The following NHS variants were observed in gnomAD, a reference collection of about 807,000 sequenced individuals.
NHS encodes the protein actin remodeling regulator NHS.
NHS carries 5 observed loss-of-function variants against 72.5 expected under a neutral mutation model. That is an observed-to-expected ratio of 0.07 (90% CI 0.04 to 0.14). The LOEUF (loss-of-function observed/expected upper bound fraction) is 0.14, where lower values mean the gene tolerates loss of function less well. Among genes scored for constraint, NHS ranks in the 10% least tolerant of loss-of-function variants. NHS has a pLI of 1.00. For synonymous variants in NHS, 464 were observed against 547.7 expected (o/e 0.85, Z 2.13); for missense variants, 1,072 against 1,355.7 (o/e 0.79, Z 3.29).
At position 17,535,343 on chromosome X, in the gene NHS, T is replaced by C. The variant is rs115925826; in HGVS notation, c.566-152399T>C. ...CATTCCAGGTCATCTAGAATCTCTGTGCCTACTAGAAGCAGTAAGGAAGGC... is the reference window on the plus strand; with the variant it reads ...CATTCCAGGTCATCTAGAATCTCTGCGCCTACTAGAAGCAGTAAGGAAGGC... On this transcript the variant is annotated intron_variant, in intron 1 of 8. Coordinates refer to ENST00000676302, the MANE Select transcript of NHS (RefSeq NM_001291867.2). Among the ~76,000 whole-genome samples the C allele has an allele frequency of 7.4e-3, 820 of 111,326 alleles. 5 individuals carry two copies. The highest frequency in any genetic ancestry group is 0.026 in the African/African-American group (788 of 30,542).
chrX:17,656,264 C>CGAGCCT (rs1360848758), intron 1 of NHS, among the ~76,000 whole-genome samples: 7 of 113,273 alleles, frequency 6.2e-5, no homozygotes, highest in South Asian at 3.5e-4. Flanking sequence ...TGCCCAGGGC[C>CGAGCCT]GAGCCTGAGC....
intron 1 of NHS, among the ~76,000 whole-genome samples, chrX:17,483,301 T>A (rs2064954282): frequency 8.9e-6 from 1 of 112,204 alleles, no homozygotes; most frequent in Non-Finnish European, 1.9e-5. Context: ...ATTACTACAT[T>A]AAATAACAAG....
chrX:17,704,462 G>C (rs1403703392), intron 3 of NHS, among the ~76,000 whole-genome samples: 1 of 109,593 alleles, frequency 9.1e-6, no homozygotes, highest in African/African-American at 3.3e-5. Context: ...CACCACGCCT[G>C]GCTAATTTTT....
At chrX:17,704,542 C>T (rs899382821) in intron 3 of NHS, among the ~76,000 whole-genome samples, 2 of 111,160 alleles carry the variant, frequency 1.8e-5, no homozygotes, top group African/African-American at 6.5e-5. Flanking sequence ...TCGTGATCCA[C>T]CCGCCTCAGC....
intron 1 of NHS, among the ~76,000 whole-genome samples, chrX:17,536,616 G>A (rs998530387): frequency 7.1e-5 from 8 of 112,334 alleles, no homozygotes; most frequent in Non-Finnish European, 1.5e-4. Context: ...TGCTAGTGGG[G>A]TGGTTTGGGA....
At chrX:17,669,232 T>C (rs1347360457) in intron 1 of NHS, among the ~76,000 whole-genome samples, 2 of 112,302 alleles carry the variant, frequency 1.8e-5, no homozygotes, top group Non-Finnish European at 3.8e-5. Flanking sequence ...CATATGTCTT[T>C]CAGTGCCTCA....
chrX:17,435,776 C>T (rs1001480500), intron 1 of NHS, among the ~76,000 whole-genome samples: 2 of 112,269 alleles, frequency 1.8e-5, no homozygotes, highest in Admixed American at 1.9e-4. Flanking sequence ...TTTATCTGGT[C>T]AGCATGGGGT....
intron 1 of NHS, among the ~76,000 whole-genome samples, chrX:17,618,125 G>T (rs760753394): frequency 8.9e-6 from 1 of 112,166 alleles, no homozygotes; most frequent in South Asian, 3.7e-4. Flanking sequence ...CCTGAGGGTG[G>T]TCTGGATTTG....
At chrX:17,570,275 C>T (rs922486634) in intron 1 of NHS, among the ~76,000 whole-genome samples, 1 of 112,222 alleles carries the variant, frequency 8.9e-6, no homozygotes, top group Non-Finnish European at 1.9e-5. Flanking sequence ...AGGCCGTTTT[C>T]ACAATATTGA....
chrX:17,673,620 C>A (rs927193556), intron 1 of NHS, among the ~76,000 whole-genome samples: 2 of 111,120 alleles, frequency 1.8e-5, no homozygotes, highest in African/African-American at 6.6e-5. Context: ...CTCACTAAGT[C>A]ATCTTCATCT....
At chrX:17,602,226 A>G (rs2147050714) in intron 1 of NHS, among the ~76,000 whole-genome samples, 1 of 112,375 alleles carries the variant, frequency 8.9e-6, no homozygotes, top group African/African-American at 3.2e-5. Context: ...AAAAAAACAG[A>G]GAACCAAACC....
chrX:17,529,541 C>A (rs2065188798), intron 1 of NHS, among the ~76,000 whole-genome samples: 1 of 111,303 alleles, frequency 9.0e-6, no homozygotes, highest in South Asian at 3.8e-4. Flanking sequence ...CTGAAGCCGA[C>A]AAAGAAAGCT....
At chrX:17,614,748 T>C (rs938757855) in intron 1 of NHS, among the ~76,000 whole-genome samples, 7 of 111,435 alleles carry the variant, frequency 6.3e-5, no homozygotes, top group African/African-American at 2.3e-4. Context: ...CCCATCTTCA[T>C]TGTGTGATAA....
Position 17,559,934 on chromosome X carries a change from C to T in NHS, c.566-127808C>T, listed in dbSNP as rs1163073575. Among the ~76,000 whole-genome samples the T allele has an allele frequency of 2.7e-5, 3 of 111,954 alleles. No individual in the cohort carries two copies. In the East Asian group the frequency reaches 8.4e-4, roughly 31 times the overall value. On this transcript the variant is annotated intron_variant, in intron 1 of 8. Coordinates refer to ENST00000676302, the MANE Select transcript of NHS (RefSeq NM_001291867.2). The stretch of plus-strand genomic sequence containing the variant: ...CTGTTTTACTTCCCCATCGCCCTAT[C>T]AGGGTTCCCTGCAGCTCTGAAGTAA...
chrX:17,475,902 G>C (rs1320805082), intron 1 of NHS, among the ~76,000 whole-genome samples: 1 of 111,744 alleles, frequency 8.9e-6, no homozygotes, highest in Non-Finnish European at 1.9e-5. Context: ...CTCTGAGAGA[G>C]AAATCTCATT....
At chrX:17,441,847 C>T (rs571188005) in intron 1 of NHS, among the ~76,000 whole-genome samples, 7 of 111,996 alleles carry the variant, frequency 6.3e-5, no homozygotes, top group Middle Eastern at 9.2e-3. Flanking sequence ...AAAGGAGGAG[C>T]TGGGTGAGCC....
chrX:17,456,563 T>G (rs190445257), intron 1 of NHS, among the ~76,000 whole-genome samples: 1 of 112,387 alleles, frequency 8.9e-6, no homozygotes, highest in Non-Finnish European at 1.9e-5. Flanking sequence ...AAACTGGTAA[T>G]GCCATTTTAA....
In NHS at chrX:17,692,385, T is replaced by C. The variant is rs1182295833; in HGVS notation, c.769T>C (p.Ser257Pro). 1 of 1,207,304 alleles carries C rather than the reference T, an allele frequency of 8.3e-7. No homozygotes were observed. The highest frequency in any genetic ancestry group is 1.1e-6 in the Non-Finnish European group (1 of 894,338). Residue 257 changes from serine to proline, a missense_variant, in exon 3 of 9, where the codon TCC becomes CCC. Transcript: ENST00000676302. ...AGAGCAAAGAGCAGCTGCCCCCCTT[T>C]CCATTGCAGCTCCTCCACTGCCAGC... is the stretch of plus-strand genomic sequence containing the variant. The part of the protein sequence containing the change: ...RREQRAAAPL[S>P]IAAPPLPAYP...
chrX:17,501,206 GA>G (rs1348314023), intron 1 of NHS, among the ~76,000 whole-genome samples: 1 of 106,926 alleles, frequency 9.4e-6, no homozygotes, highest in Admixed American at 1.0e-4. Flanking sequence ...CCTGTCTCTA[GA>G]AAAAAAATCA....
Sources: gnomAD v4.1 joint callset for allele counts (sites outside exome capture counted in the v4.1 genomes callset) on GRCh38, gnomAD v4.1.1 for gene constraint, MANE v1.5 for transcripts, NCBI Gene and HGNC (gene_info 2026-07-23, HGNC 2026-07-21) for gene names.